Variants in DSCAM observed in about 807,000 individuals in gnomAD.
DSCAM encodes DS cell adhesion molecule, also known as cell adhesion molecule DSCAM.
In DSCAM, 47 loss-of-function variants were observed where a neutral mutation model predicts 217.7. The observed-to-expected ratio is 0.22, with a 90% CI of 0.17 to 0.28. The LOEUF is 0.28. Ranked by LOEUF, DSCAM falls within the 10% of genes least tolerant of loss-of-function variation. DSCAM has a pLI of 1.00. For missense variants in DSCAM, 2,080 were observed against 2,618.3 expected (o/e 0.79, Z 4.49); for synonymous variants, 1,056 against 1,015.3 (o/e 1.04, Z -0.76).
chr21:40,803,348 C>T (rs982207199), intron 1 of DSCAM, among the ~76,000 whole-genome samples: 1 of 152,208 alleles, frequency 6.6e-6, no homozygotes, highest in Non-Finnish European at 1.5e-5. Context: ...GTCACGTGAG[C>T]ACACATATGC....
intron 1 of DSCAM, among the ~76,000 whole-genome samples, chr21:40,713,925 G>A (rs544478751): frequency 2.4e-4 from 36 of 152,288 alleles, no homozygotes; most frequent in African/African-American, 7.0e-4. Flanking sequence ...GGACCTATCC[G>A]CTGCATTGTG....
intron 10 of DSCAM, among the ~76,000 whole-genome samples, chr21:40,295,184 A>G (rs968080674): frequency 4.1e-5 from 6 of 145,372 alleles, no homozygotes; most frequent in African/African-American, 7.6e-5. Context: ...AGGTTATTGG[A>G]AAAAAAAAAA....
chr21:40,434,418 T>C (rs2075564785), intron 3 of DSCAM, among the ~76,000 whole-genome samples: 1 of 152,176 alleles, frequency 6.6e-6, no homozygotes, highest in African/African-American at 2.4e-5. Context: ...AAACAGATTA[T>C]TTGAATTTAG....
chr21:40,137,594 TAC>T (rs3988428), intron 18 of DSCAM, among the ~76,000 whole-genome samples: 19,733 of 134,708 alleles, frequency 0.15, 1,734 homozygotes, highest in East Asian at 0.31. Context: ...GGCTGTTTAA[TAC>T]ACACACACAC....
intron 11 of DSCAM, among the ~76,000 whole-genome samples, chr21:40,199,107 A>G (rs1193679797): frequency 6.6e-6 from 1 of 152,136 alleles, no homozygotes; most frequent in African/African-American, 2.4e-5. Flanking sequence ...TAGGGAGCCC[A>G]CTCTGCCCAT....
chr21:40,573,698 CAA>C (rs1002141273), intron 3 of DSCAM, among the ~76,000 whole-genome samples: 2 of 151,840 alleles, frequency 1.3e-5, no homozygotes, highest in African/African-American at 2.4e-5. Context: ...AGAAAATTAA[CAA>C]TGTGAGAAAT....
chr21:40,358,817 A>T (rs555087038), intron 4 of DSCAM, among the ~76,000 whole-genome samples: 20 of 152,142 alleles, frequency 1.3e-4, no homozygotes, highest in Admixed American at 8.5e-4. Context: ...AAAAAAAAAA[A>T]AATTAAGAAC....
chr21:40,253,367 C>A (rs2073330177), intron 11 of DSCAM, among the ~76,000 whole-genome samples: 1 of 152,180 alleles, frequency 6.6e-6, no homozygotes, highest in African/African-American at 2.4e-5. Context: ...TATATCTGGT[C>A]TTTGTTCCTG....
intron 6 of DSCAM, among the ~76,000 whole-genome samples, chr21:40,344,130 C>A (rs2074532041): frequency 6.6e-6 from 1 of 152,112 alleles, no homozygotes; most frequent in Non-Finnish European, 1.5e-5. Flanking sequence ...AACTCCTGAC[C>A]TCGAGTGAGC....
At chr21:40,525,263 T>C (rs560110432) in intron 3 of DSCAM, among the ~76,000 whole-genome samples, 1 of 152,310 alleles carries the variant, frequency 6.6e-6, no homozygotes, top group South Asian at 2.1e-4. Context: ...TAAATATACT[T>C]GGAAACAACA....
chr21:40,452,172 A>G (rs1444597718), intron 3 of DSCAM, among the ~76,000 whole-genome samples: 1 of 152,026 alleles, frequency 6.6e-6, no homozygotes, highest in Non-Finnish European at 1.5e-5. Context: ...TATATGTACT[A>G]TATATAGATA....
intron 1 of DSCAM, among the ~76,000 whole-genome samples, chr21:40,714,753 T>C (rs1338316513): frequency 6.6e-6 from 1 of 152,164 alleles, no homozygotes; most frequent in East Asian, 1.9e-4. Context: ...TACTTAAGAC[T>C]TTTGGGGTAC....
At chr21:40,508,469 T>C (rs951545247) in intron 3 of DSCAM, among the ~76,000 whole-genome samples, 1 of 152,138 alleles carries the variant, frequency 6.6e-6, no homozygotes, top group Middle Eastern at 3.4e-3. Context: ...ATCCCAAGCA[T>C]AGGTTAATTG....
intron 11 of DSCAM, among the ~76,000 whole-genome samples, chr21:40,254,055 T>C (rs1278547368): frequency 6.6e-6 from 1 of 152,190 alleles, no homozygotes; most frequent in African/African-American, 2.4e-5. Context: ...TGGGATCTGA[T>C]ACGAACTCCA....
intron 32 of DSCAM, among the ~76,000 whole-genome samples, chr21:40,039,187 AAAGAAT>A (rs1192074128): frequency 1.3e-5 from 2 of 152,112 alleles, no homozygotes; most frequent in Admixed American, 6.5e-5. Flanking sequence ...AAGAAAAGAA[AAAGAAT>A]ATGAACTAAG....
intron 1 of DSCAM, among the ~76,000 whole-genome samples, chr21:40,710,613 T>G (rs1249989050): frequency 6.6e-6 from 1 of 152,198 alleles, no homozygotes; most frequent in African/African-American, 2.4e-5. Context: ...CAAGTAAATA[T>G]CATCAAATGT....
At position 40,331,885 on chromosome 21, in the gene DSCAM, C is replaced by A. The variant is rs60153857; in HGVS notation, c.1783+6216G>T. 3.1e-3 allele frequency among the ~76,000 whole-genome samples: 470 copies of A among 152,196 alleles called. 2 individuals are homozygous for A. The highest frequency in any genetic ancestry group is 0.011 in the African/African-American group (438 of 41,516). On this transcript the variant is annotated intron_variant, in intron 8 of 32. Coordinates refer to ENST00000400454, the MANE Select transcript of DSCAM (RefSeq NM_001389.5). ...ATTTATTTACCTGTGATTTTAACTA[C>A]CCTTCTCTATGAATTTTAGTTTGCT...
chr21:40,154,414 G>C (rs1172356368), intron 16 of DSCAM, among the ~76,000 whole-genome samples: 1 of 151,862 alleles, frequency 6.6e-6, no homozygotes, highest in East Asian at 1.9e-4. Flanking sequence ...ACCATACCCG[G>C]CAAATTTTTG....
intron 11 of DSCAM, among the ~76,000 whole-genome samples, chr21:40,215,806 A>G (rs1272545195): frequency 6.6e-6 from 1 of 152,314 alleles, no homozygotes; most frequent in East Asian, 1.9e-4. Context: ...AAAGAAAAAA[A>G]TTAACTAATT....
Sources: allele counts gnomAD v4.1 joint callset (sites outside exome capture counted in the v4.1 genomes callset), GRCh38; gene constraint gnomAD v4.1.1; transcripts MANE v1.5; gene names NCBI Gene and HGNC (gene_info 2026-07-23, HGNC 2026-07-21).